CRISPLD1: variants seen among roughly 807,000 people sequenced by gnomAD.
The protein encoded by CRISPLD1 is cysteine-rich secretory protein LCCL domain-containing 1.
In CRISPLD1, 60 loss-of-function variants were observed where a neutral mutation model predicts 77.5. That is an observed-to-expected ratio of 0.77 (90% CI 0.63 to 0.96). The LOEUF is 0.96. CRISPLD1 is among the 40% of genes least tolerant of loss of function. CRISPLD1 has a pLI of 0.00. For synonymous variants in CRISPLD1, 195 were observed against 200.1 expected, an observed-to-expected ratio of 0.97 and a Z score of 0.22; for missense variants, 623 against 615.8, an observed-to-expected ratio of 1.01 and a Z score of -0.12.
rs1399330468 is a variant in CRISPLD1 at position 75,017,112 on chromosome 8, T to C, written c.995T>C (p.Met332Thr). Residue 332 changes from methionine (M) to threonine (T), a missense_variant and splice_region_variant, in exon 9 of 15, where the codon ATG becomes ACG. Coordinates refer to ENST00000262207, the MANE Select transcript of CRISPLD1 (RefSeq NM_031461.6). ...GTTATTGGCAGTGTACATTATGAAA[T>C]GGTAAGTGTTATAAATGTAATTATT... ...AKVIGSVHYE[M>T]QSSICRAAIH... 1.9e-6 allele frequency: 3 copies of C among 1,607,970 alleles called. No individual in the cohort carries two copies. The highest frequency in any genetic ancestry group is 1.1e-5 in the South Asian group (1 of 90,766).
At chr8:75,011,470 G>A (rs552551851) in intron 2 of CRISPLD1, among the ~76,000 whole-genome samples, 8 of 151,830 alleles carry the variant, frequency 5.3e-5, no homozygotes, top group Admixed American at 2.0e-4. Context: ...TAACATGCCC[G>A]GAGTCTGTAA....
intron 13 of CRISPLD1, among the ~76,000 whole-genome samples, 167 bp downstream of exon 13, chr8:75,025,788 A>G (rs1813224613): frequency 1.3e-5 from 2 of 152,162 alleles, no homozygotes; most frequent in Non-Finnish European, 2.9e-5. Flanking sequence ...ATTAATATCC[A>G]TATGTACAAT....
intron 2 of CRISPLD1, among the ~76,000 whole-genome samples, chr8:74,988,760 A>G (rs7831837): frequency 6.6e-6 from 1 of 152,130 alleles, no homozygotes; most frequent in African/African-American, 2.4e-5. Flanking sequence ...GCTTGAACCC[A>G]GGAGGGGAAG....
intron 7 of CRISPLD1, 57 bp downstream of exon 7, chr8:75,016,762 C>T (rs1176072969): frequency 3.2e-6 from 5 of 1,557,764 alleles, no homozygotes; most frequent in African/African-American, 2.8e-5. Context: ...GTATATCCAT[C>T]AAGATTTTAT....
intron 2 of CRISPLD1, among the ~76,000 whole-genome samples, chr8:74,989,090 G>T (rs565472801): frequency 6.6e-6 from 1 of 152,248 alleles, no homozygotes; most frequent in African/African-American, 2.4e-5. Flanking sequence ...GTAGGCAAGA[G>T]TTGGGGGTAT....
At chr8:74,994,297 C>A (rs1209852390) in intron 2 of CRISPLD1, among the ~76,000 whole-genome samples, 2 of 152,168 alleles carry the variant, frequency 1.3e-5, no homozygotes, top group African/African-American at 4.8e-5. Flanking sequence ...TTGAAAAATT[C>A]AAGGAGGCCT....
At chr8:74,992,647 C>G (rs1812588573) in intron 2 of CRISPLD1, among the ~76,000 whole-genome samples, 2 of 152,142 alleles carry the variant, frequency 1.3e-5, no homozygotes, top group South Asian at 4.1e-4. Context: ...AGACCCTCTA[C>G]TGGGGGGTTG....
chr8:75,022,456 G>C lies in CRISPLD1; in HGVS notation c.1244+2377G>C, dbSNP rs2128787580. Among the ~76,000 whole-genome samples the C allele has an allele frequency of 2.6e-5, 4 of 152,064 alleles. No homozygotes were observed. The Middle Eastern group carries it at 0.014, about 517-fold the overall frequency. On this transcript the variant is annotated intron_variant, in intron 12 of 14. Coordinates refer to ENST00000262207, the MANE Select transcript of CRISPLD1 (RefSeq NM_031461.6). ...AAACAAAAATTAGCCGGGCGTGGGGGCGGGTGCCTGTAGTCCCAGCTACTC... is the reference window on the plus strand; with the variant it reads ...AAACAAAAATTAGCCGGGCGTGGGGCCGGGTGCCTGTAGTCCCAGCTACTC...
At chr8:75,006,600 T>C (rs1587012712) in intron 2 of CRISPLD1, among the ~76,000 whole-genome samples, 1 of 152,304 alleles carries the variant, frequency 6.6e-6, no homozygotes, top group African/African-American at 2.4e-5. Context: ...TATGAAGTTA[T>C]GTAAGAGTTT....
chr8:74,991,607 T>C (rs574299811), intron 2 of CRISPLD1, among the ~76,000 whole-genome samples: 3 of 152,346 alleles, frequency 2.0e-5, no homozygotes, highest in African/African-American at 7.2e-5. Flanking sequence ...CTCGGCTCAC[T>C]GCAATGTCCG....
At chr8:75,025,795 C>T (rs1018893212) in intron 13 of CRISPLD1, among the ~76,000 whole-genome samples, 174 bp downstream of exon 13, 4 of 152,156 alleles carry the variant, frequency 2.6e-5, no homozygotes, top group Admixed American at 2.0e-4. Context: ...TCCATATGTA[C>T]AATAAGAGTG....
chr8:74,993,352 C>G (rs867316495), intron 2 of CRISPLD1, among the ~76,000 whole-genome samples: 1 of 152,056 alleles, frequency 6.6e-6, no homozygotes, highest in Admixed American at 6.5e-5. Flanking sequence ...TCTGCACATA[C>G]CTAAAGGTGT....
chr8:75,024,401 C>G (rs1245312145), intron 12 of CRISPLD1, among the ~76,000 whole-genome samples: 1 of 152,162 alleles, frequency 6.6e-6, no homozygotes, highest in Non-Finnish European at 1.5e-5. Context: ...TCTCAGCTCA[C>G]TGCAACCTCC....
chr8:75,031,892 A>G (rs1432981218), intron 14 of CRISPLD1, among the ~76,000 whole-genome samples: 3 of 151,892 alleles, frequency 2.0e-5, no homozygotes, highest in South Asian at 4.1e-4. Flanking sequence ...GAATGAAAGG[A>G]GGTAATATAG....
intron 4 of CRISPLD1, among the ~76,000 whole-genome samples, chr8:75,013,554 A>G (rs1201265428): frequency 6.6e-6 from 1 of 152,086 alleles, no homozygotes; most frequent in Non-Finnish European, 1.5e-5. Context: ...ACCAGCATCA[A>G]ACTACCTGAT....
intron 2 of CRISPLD1, among the ~76,000 whole-genome samples, chr8:75,005,086 C>T (rs1812805812): frequency 6.6e-6 from 1 of 152,072 alleles, no homozygotes; most frequent in Non-Finnish European, 1.5e-5. Flanking sequence ...CCTTGGTTAT[C>T]ACAAAACGGC....
At chr8:75,016,752 G>A (rs748507155) in intron 7 of CRISPLD1, 47 bp downstream of exon 7, 1 of 1,570,656 alleles carries the variant, frequency 6.4e-7, no homozygotes, top group East Asian at 2.2e-5. Flanking sequence ...TACATAAATG[G>A]TATATCCATC....
At chr8:75,011,961 G>T (rs889451616) in intron 2 of CRISPLD1, among the ~76,000 whole-genome samples, 3 of 152,094 alleles carry the variant, frequency 2.0e-5, no homozygotes, top group Non-Finnish European at 2.9e-5. Context: ...GAATTGATAC[G>T]ATGTCACAGA....
intron 14 of CRISPLD1, among the ~76,000 whole-genome samples, chr8:75,031,893 GGTAATATAGGAA>G (rs1467259465): frequency 6.6e-6 from 1 of 151,746 alleles, no homozygotes; most frequent in African/African-American, 2.4e-5. Flanking sequence ...AATGAAAGGA[GGTAATATAGGAA>G]AACATGATCT....
Sources: allele counts gnomAD v4.1 joint callset (sites outside exome capture counted in the v4.1 genomes callset), GRCh38; gene constraint gnomAD v4.1.1; transcripts MANE v1.5; gene names NCBI Gene and HGNC (gene_info 2026-07-23, HGNC 2026-07-21).